MYH2: variants seen among roughly 807,000 people sequenced by gnomAD.
MYH2 encodes the protein myosin heavy chain 2.
Under a neutral mutation model 228.1 loss-of-function variants are expected in MYH2, and 139 were observed. That is an observed-to-expected ratio of 0.61 (90% CI 0.53 to 0.70). The LOEUF (loss-of-function observed/expected upper bound fraction) is 0.70. Among genes scored for constraint, MYH2 ranks in the 30% least tolerant of loss-of-function variants. The pLI is 0.00. For missense variants in MYH2, 1,809 were observed against 2,357.5 expected, an observed-to-expected ratio of 0.77 and a Z score of 4.82; for synonymous variants, 796 against 871.1, an observed-to-expected ratio of 0.91 and a Z score of 1.52.
intron 39 of MYH2, among the ~76,000 whole-genome samples, chr17:10,521,637 T>C (rs2073286757): frequency 6.6e-6 from 1 of 151,732 alleles, no homozygotes; most frequent in African/African-American, 2.4e-5. Context: ...CTCACATTCC[T>C]ATTTTGGCAA....
chr17:10,540,478 G>T (rs1266692324), intron 11 of MYH2, 116 bp downstream of exon 11: 3 of 891,560 alleles, frequency 3.4e-6, no homozygotes, highest in Admixed American at 4.0e-5. Context: ...CAAGGGGCAT[G>T]TCCATTTGCA....
intron 14 of MYH2, among the ~76,000 whole-genome samples, chr17:10,538,312 GAA>G (rs34429660): frequency 1.8e-4 from 24 of 136,350 alleles, no homozygotes; most frequent in African/African-American, 3.5e-4. Flanking sequence ...AATGTGAAAT[GAA>G]AAAAAAAAAA....
chr17:10,532,916 T>G (rs2073441304), intron 21 of MYH2, among the ~76,000 whole-genome samples: 1 of 152,234 alleles, frequency 6.6e-6, no homozygotes, highest in Admixed American at 6.5e-5. Flanking sequence ...CTCTACAGCC[T>G]GTGTAAAAGC....
At position 10,537,156 on chromosome 17, in the gene MYH2, A is replaced by G; in HGVS notation, c.1897+77T>C. Reference sequence around the variant, plus strand: ...GCTTGGTCTGCAACCCTTCTGCCAGACCTAAGAGATCACTAGCTTCAATTT... The same window carrying G: ...GCTTGGTCTGCAACCCTTCTGCCAGGCCTAAGAGATCACTAGCTTCAATTT... On this transcript the variant is annotated intron_variant, in intron 16 of 39. Transcript: ENST00000245503. The surrounding 1 kb of genome is among the most constrained non-coding windows in gnomAD (Gnocchi z 4.0). 2 of 1,589,260 alleles carry G rather than the reference A, an allele frequency of 1.3e-6. No individual in the cohort carries two copies. Among genetic ancestry groups the G allele is most frequent in the Non-Finnish European group, 1.7e-6 (2 of 1,160,692 alleles).
At position 10,529,203 on chromosome 17, in the gene MYH2, C is replaced by T; in HGVS notation, c.3313G>A (p.Ala1105Thr). Residue 1105 changes from alanine to threonine, a missense_variant, in exon 26 of 40, where the codon GCA becomes ACA. This residue lies in a region of MYH2 where 636 missense variants were observed against 729.9 expected (regional missense o/e 0.87). Coordinates refer to ENST00000245503, the MANE Select transcript of MYH2 (RefSeq NM_017534.6). ...NLQSKIEDEQ[A>T]LGIQLQKKIK... ...TTCTTCTGCAATTGAATGCCAAGTG[C>T]CTGTTCATCTTCAATCTTGCTTTGC... is the stretch of plus-strand genomic sequence containing the variant. 1 of 1,614,194 alleles carries T rather than the reference C, an allele frequency of 6.2e-7. No homozygotes were observed. Among genetic ancestry groups the T allele is most frequent in the South Asian group, 1.1e-5 (1 of 91,072 alleles).
chr17:10,538,568 C>T (rs1293407627), intron 14 of MYH2, among the ~76,000 whole-genome samples: 1 of 151,140 alleles, frequency 6.6e-6, no homozygotes, highest in Non-Finnish European at 1.5e-5. Context: ...TGGCGTGAAC[C>T]CAGGAGGCGG....
intron 22 of MYH2, among the ~76,000 whole-genome samples, chr17:10,531,153 G>C (rs1055771952): frequency 6.6e-6 from 1 of 152,184 alleles, no homozygotes; most frequent in African/African-American, 2.4e-5. Context: ...GAGGGAGTCT[G>C]AGTTTTTGAG....
chr17:10,528,708 T>C lies in MYH2; in HGVS notation c.3726A>G (p.Glu1242=), dbSNP rs1412542984. 6.2e-7 allele frequency: 1 copy of C among 1,614,076 alleles called. No homozygotes were observed. The highest frequency in any genetic ancestry group is 1.7e-5 in the Admixed American group (1 of 60,012). The change falls in exon 27 of 40, where the codon GAA becomes GAG. Residue 1242 remains glutamate, a synonymous_variant. Coordinates refer to ENST00000245503, the MANE Select transcript of MYH2 (RefSeq NM_017534.6). The part of the protein sequence containing the change: ...MEIDDLASNV[E]TVSKAKGNLE... ...GTAGTACCTTGGCTTTGGAGACCGT[T>C]TCTACATTACTAGCAAGGTCATCAA...
In MYH2 at chr17:10,527,016, C is replaced by T; in HGVS notation, c.3912G>A (p.Val1304=). The T allele has an allele frequency of 1.2e-6, 2 of 1,614,166 alleles. No individual in the cohort carries two copies. The highest frequency in any genetic ancestry group is 1.1e-5 in the South Asian group (1 of 91,074). The change falls in exon 29 of 40, where the codon GTG becomes GTA. Residue 1304 remains valine (V), a synonymous_variant. Transcript: ENST00000245503. ...CTTGTTTGCCTCTTGATAACTGAGA[C>T]ACCAGAGCTTCCTTTTCATCAAGCT... ...SRQLDEKEAL[V]SQLSRGKQAF...
At chr17:10,522,615 T>G (rs756441956) in intron 39 of MYH2, among the ~76,000 whole-genome samples, 1 of 152,106 alleles carries the variant, frequency 6.6e-6, no homozygotes, top group Non-Finnish European at 1.5e-5. Flanking sequence ...TGGTTCATAA[T>G]GAAAGCATTT....
Position 10,526,812 on chromosome 17 carries a change from A to G in MYH2, c.3991-17T>C, listed in dbSNP as rs1014855409. On this transcript the variant is annotated splice_polypyrimidine_tract_variant and intron_variant, in intron 29 of 39. Coordinates refer to ENST00000245503, the MANE Select transcript of MYH2 (RefSeq NM_017534.6). ...GTTCTTGGCCTATGGAGGCAGTTAC[A>G]CCTTCATTTTACTGGATATTTAAAT... 1 of 1,614,104 alleles carries G rather than the reference A, an allele frequency of 6.2e-7. No individual in the cohort carries two copies. The highest frequency in any genetic ancestry group is 8.5e-7 in the Non-Finnish European group (1 of 1,180,046).
At chr17:10,542,292 C>G (rs893787729) in intron 10 of MYH2, among the ~76,000 whole-genome samples, 4 of 151,944 alleles carry the variant, frequency 2.6e-5, no homozygotes, top group African/African-American at 9.7e-5. Context: ...AACAAACAAA[C>G]AAACAAAACT....
At chr17:10,528,667 C>T in intron 27 of MYH2, 23 bp downstream of exon 27, 1 of 1,613,940 alleles carries the variant, frequency 6.2e-7, no homozygotes, top group Non-Finnish European at 8.5e-7. Flanking sequence ...TTTTCAATAA[C>T]AATTTCCCAG....
In MYH2 at chr17:10,531,796, AGAG is replaced by A. The variant is rs1336071318; in HGVS notation, c.2531_2533del (p.Pro844del). ...CTTCTCAGTTTCTGCACTCTTCAAC[AGAG>A]GCTTGATCTTGAAGAAGAGTTTCAT... is the stretch of plus-strand genomic sequence containing the variant. On this transcript the variant is annotated inframe_deletion, in exon 22 of 40. Coordinates refer to ENST00000245503, the MANE Select transcript of MYH2 (RefSeq NM_017534.6). 9.9e-6 allele frequency: 16 copies of A among 1,614,058 alleles called. No homozygotes were observed. The Admixed American group carries it at 2.7e-4, about 27-fold the overall frequency.
rs148893074 is a variant in MYH2 at position 10,547,573 on chromosome 17, T to C, written c.250A>G (p.Lys84Glu). The C allele has an allele frequency of 1.9e-6, 3 of 1,614,186 alleles. No individual in the cohort carries two copies. Among genetic ancestry groups the C allele is most frequent in the Non-Finnish European group, 2.5e-6 (3 of 1,180,022 alleles). The change falls in exon 4 of 40, where the codon AAA (lysine) becomes GAA (glutamate). Residue 84 changes from lysine (K) to glutamate (E), a missense_variant. Coordinates refer to ENST00000245503, the MANE Select transcript of MYH2 (RefSeq NM_017534.6). The stretch of plus-strand genomic sequence containing the variant: ...GCCATATCCTCGATCTTGTCATATT[T>C]GGGAGGGTTCATGGGGAAGACCTGA... ...DDQVFPMNPPKYDKIEDMAMM... is the reference protein window; with the variant it reads ...DDQVFPMNPPEYDKIEDMAMM...
At chr17:10,522,992 T>C in intron 39 of MYH2, 98 bp downstream of exon 39, 1 of 786,224 alleles carries the variant, frequency 1.3e-6, no homozygotes, top group Non-Finnish European at 2.2e-6. Context: ...ATGTTAAATA[T>C]GCATGCAGTA....
At position 10,529,050 on chromosome 17, in the gene MYH2, G is replaced by A. The variant is rs139130605; in HGVS notation, c.3384C>T (p.Ile1128=). The change falls in exon 27 of 40, where the codon ATC becomes ATT. Residue 1128 remains isoleucine (I), a synonymous_variant. Coordinates refer to ENST00000245503, the MANE Select transcript of MYH2 (RefSeq NM_017534.6). ...QARIEELEEE[I]EAERASRAKA... ...TGGCCCGGGAGGCCCGCTCTGCCTC[G>A]ATTTCCTCCTCCAGCTCCTCAATGC... The A allele has an allele frequency of 9.0e-5, 145 of 1,614,230 alleles. 1 individual carries two copies. The highest frequency in any genetic ancestry group is 1.6e-4 in the African/African-American group (12 of 75,058).
chr17:10,526,559 G>A, intron 30 of MYH2, 40 bp downstream of exon 30: 1 of 1,612,564 alleles, frequency 6.2e-7, no homozygotes, highest in Non-Finnish European at 8.5e-7. Context: ...GATTCAATAT[G>A]CAAAGTTTTC....
At chr17:10,542,140 G>T (rs1028384242) in intron 10 of MYH2, among the ~76,000 whole-genome samples, 3 of 152,298 alleles carry the variant, frequency 2.0e-5, no homozygotes, top group Admixed American at 2.0e-4. Flanking sequence ...AGGCATGGTG[G>T]CGCATGCCTG....
Sources: gnomAD v4.1 joint callset for allele counts (sites outside exome capture counted in the v4.1 genomes callset) on GRCh38, gnomAD v4.1.1 for gene constraint, gnomAD v4.1.1 regional missense constraint, Gnocchi (gnomAD v3.1) non-coding constraint, MANE v1.5 for transcripts, NCBI Gene and HGNC (gene_info 2026-07-23, HGNC 2026-07-21) for gene names.